The following IL1RAPL1 variants were observed in gnomAD, a reference collection of about 807,000 sequenced individuals.
The protein encoded by IL1RAPL1 is interleukin-1 receptor accessory protein-like 1.
In IL1RAPL1, 3 loss-of-function variants were observed where a neutral mutation model predicts 48.4. The observed-to-expected ratio is 0.06, with a 90% confidence interval of 0.03 to 0.16. The LOEUF (loss-of-function observed/expected upper bound fraction) is 0.16, where lower values mean the gene tolerates loss of function less well. IL1RAPL1 is among the 10% of genes least tolerant of loss of function. The pLI is 1.00. For synonymous variants in IL1RAPL1, 185 were observed against 187.7 expected (o/e 0.99, Z 0.12); for missense variants, 349 against 530.6 (o/e 0.66, Z 3.36).
At chrX:29,409,820 C>CTTTTT (rs34018303) in intron 5 of IL1RAPL1, among the ~76,000 whole-genome samples, 2 of 79,366 alleles carry the variant, frequency 2.5e-5, no homozygotes, top group East Asian at 4.0e-4. Flanking sequence ...GTTCTAAATT[C>CTTTTT]TTTTTTTTTT....
At chrX:29,927,172 A>G (rs1037717397) in intron 8 of IL1RAPL1, among the ~76,000 whole-genome samples, 4 of 111,991 alleles carry the variant, frequency 3.6e-5, no homozygotes, top group African/African-American at 9.7e-5. Flanking sequence ...CAAGATTCCA[A>G]TTTCAATCGA....
chrX:29,801,547 A>T (rs929904924), intron 6 of IL1RAPL1, among the ~76,000 whole-genome samples: 5 of 112,283 alleles, frequency 4.5e-5, no homozygotes, highest in African/African-American at 1.3e-4. Context: ...ATTGTCTCTA[A>T]GTGTGATCTT....
At chrX:28,675,668 C>T (rs1934988906) in intron 1 of IL1RAPL1, among the ~76,000 whole-genome samples, 3 of 111,484 alleles carry the variant, frequency 2.7e-5, no homozygotes, top group African/African-American at 9.8e-5. Context: ...TACCATATGT[C>T]CAGCTTTTGC....
chrX:29,580,838 A>G (rs1483858968), intron 5 of IL1RAPL1, among the ~76,000 whole-genome samples: 1 of 112,094 alleles, frequency 8.9e-6, no homozygotes, highest in Admixed American at 9.5e-5. Flanking sequence ...TTGACTTATA[A>G]CAGATGACAG....
chrX:29,488,915 A>C, intron 5 of IL1RAPL1, among the ~76,000 whole-genome samples: 2 of 111,890 alleles, frequency 1.8e-5, no homozygotes, highest in Middle Eastern at 9.1e-3. Context: ...CTGGAGAGTT[A>C]AAGATTATAA....
At chrX:28,847,706 C>T (rs994974548) in intron 2 of IL1RAPL1, among the ~76,000 whole-genome samples, 16 of 111,424 alleles carry the variant, frequency 1.4e-4, no homozygotes, top group Non-Finnish European at 1.1e-4. Context: ...GAGTCATTCC[C>T]GCTCCCCTGC....
At chrX:29,923,643 T>C (rs901481494) in intron 8 of IL1RAPL1, among the ~76,000 whole-genome samples, 1 of 112,457 alleles carries the variant, frequency 8.9e-6, no homozygotes, top group African/African-American at 3.2e-5. Flanking sequence ...TCATACTTGA[T>C]TGAATTCCAC....
chrX:29,561,558 T>A (rs1922195476), intron 5 of IL1RAPL1, among the ~76,000 whole-genome samples: 1 of 111,965 alleles, frequency 8.9e-6, no homozygotes, highest in Non-Finnish European at 1.9e-5. Flanking sequence ...AGTAGGCCTC[T>A]TGGGCAACAT....
intron 1 of IL1RAPL1, among the ~76,000 whole-genome samples, chrX:28,656,128 T>G (rs1188395551): frequency 8.9e-6 from 1 of 112,021 alleles, no homozygotes; most frequent in Admixed American, 9.5e-5. Context: ...ATCAAACTAG[T>G]TAGTCATCCA....
At chrX:28,700,056 TGAAAA>T (rs1935277623) in intron 1 of IL1RAPL1, among the ~76,000 whole-genome samples, 1 of 111,179 alleles carries the variant, frequency 9.0e-6, no homozygotes, top group African/African-American at 3.3e-5. Context: ...GTTTCATTAA[TGAAAA>T]GAAAATTAAT....
chrX:29,852,424 GAC>G (rs924601024), intron 6 of IL1RAPL1, among the ~76,000 whole-genome samples: 1 of 112,118 alleles, frequency 8.9e-6, no homozygotes, highest in Non-Finnish European at 1.9e-5. Flanking sequence ...TCTGGCAGCA[GAC>G]ACTGGAATGA....
At chrX:29,185,553 T>A (rs894960285) in intron 2 of IL1RAPL1, among the ~76,000 whole-genome samples, 1 of 112,040 alleles carries the variant, frequency 8.9e-6, no homozygotes, top group African/African-American at 3.2e-5. Context: ...GCTATAAATA[T>A]CATTACTAGT....
chrX:28,796,284 A>G (rs759621161), intron 2 of IL1RAPL1, among the ~76,000 whole-genome samples: 24 of 111,600 alleles, frequency 2.2e-4, no homozygotes, highest in African/African-American at 5.9e-4. Context: ...ATGTCCTCAC[A>G]TTTCAAAACC....
chrX:29,377,802 G>A (rs1426019212), intron 3 of IL1RAPL1, among the ~76,000 whole-genome samples: 1 of 111,070 alleles, frequency 9.0e-6, no homozygotes, highest in Non-Finnish European at 1.9e-5. Context: ...TTTTCTTTTG[G>A]ATTGACCTTT....
chrX:28,805,952 A>G (rs1936726264), intron 2 of IL1RAPL1, among the ~76,000 whole-genome samples: 1 of 109,718 alleles, frequency 9.1e-6, no homozygotes, highest in Non-Finnish European at 1.9e-5. Flanking sequence ...TCATTTCTGG[A>G]TTTAAGAACA....
chrX:28,844,503 G>T (rs182040026), intron 2 of IL1RAPL1, among the ~76,000 whole-genome samples: 28 of 109,666 alleles, frequency 2.6e-4, no homozygotes, highest in Admixed American at 2.4e-3. Context: ...CATGAGCGAG[G>T]CCATTGTAGA....
chrX:29,038,988 G>A (rs981521457), intron 2 of IL1RAPL1, among the ~76,000 whole-genome samples: 1 of 111,263 alleles, frequency 9.0e-6, no homozygotes, highest in Non-Finnish European at 1.9e-5. Context: ...ACTTATCCCC[G>A]TCTTTAAGAA....
At chrX:29,633,109 G>A (rs989648156) in intron 5 of IL1RAPL1, among the ~76,000 whole-genome samples, 2 of 110,892 alleles carry the variant, frequency 1.8e-5, no homozygotes, top group African/African-American at 3.3e-5. Context: ...ACTACCTAAA[G>A]GTCCATCAAC....
chrX:29,432,990 C>T lies in IL1RAPL1; in HGVS notation c.703+33682C>T, dbSNP rs1934438944. On this transcript the variant is annotated intron_variant, in intron 5 of 10. Coordinates refer to ENST00000378993, the MANE Select transcript of IL1RAPL1 (RefSeq NM_014271.4). Reference sequence around the variant, plus strand: ...TCAACCTTTTAAAAATCATTACTGCCCCGCTAAGGAGCTTTTTTAGTTATT... The same window carrying T: ...TCAACCTTTTAAAAATCATTACTGCTCCGCTAAGGAGCTTTTTTAGTTATT... Among the ~76,000 whole-genome samples, 5 of 110,102 alleles carry T rather than the reference C, an allele frequency of 4.5e-5. No individual in the cohort carries two copies. The South Asian group carries it at 1.9e-3, about 42-fold the overall frequency.
Sources: gnomAD v4.1 joint callset for allele counts (sites outside exome capture counted in the v4.1 genomes callset) on GRCh38, gnomAD v4.1.1 for gene constraint, MANE v1.5 for transcripts, NCBI Gene and HGNC (gene_info 2026-07-23, HGNC 2026-07-21) for gene names.